Variants in HRH1 observed in about 807,000 individuals in gnomAD.
The protein encoded by HRH1 is histamine receptor H1.
Under a neutral mutation model 10.3 loss-of-function variants are expected in HRH1, and 6 were observed. That is an observed-to-expected ratio of 0.58 (90% CI 0.32 to 1.15). The LOEUF (loss-of-function observed/expected upper bound fraction) is 1.15. Ranked by LOEUF, HRH1 falls within the 50% of genes most tolerant of loss-of-function variation. The pLI is 0.05. For missense variants in HRH1, 514 were observed against 615.3 expected (o/e 0.84, Z 1.74); for synonymous variants, 242 against 236.7 (o/e 1.02, Z -0.21).
chr3:11,249,238 T>A (rs1939571339), intron 1 of HRH1, among the ~76,000 whole-genome samples: 1 of 150,632 alleles, frequency 6.6e-6, no homozygotes, highest in African/African-American at 2.4e-5. Flanking sequence ...CTACTAAAAA[T>A]AAAAAATAAA....
At chr3:11,185,547 G>C (rs1181982227) in intron 1 of HRH1, among the ~76,000 whole-genome samples, 1 of 152,200 alleles carries the variant, frequency 6.6e-6, no homozygotes, top group African/African-American at 2.4e-5. Context: ...TGAGCAACTA[G>C]AGGACTAAAC....
intron 1 of HRH1, among the ~76,000 whole-genome samples, chr3:11,234,043 G>A (rs1201645247): frequency 1.3e-5 from 2 of 152,150 alleles, no homozygotes; most frequent in Non-Finnish European, 2.9e-5. Flanking sequence ...GCGGCCACAG[G>A]TTTGGGTAGG....
chr3:11,144,464 T>TAGACGTATAG (rs1936377937), intron 1 of HRH1, among the ~76,000 whole-genome samples: 1 of 149,380 alleles, frequency 6.7e-6, no homozygotes, highest in Non-Finnish European at 1.5e-5. Context: ...TAGGTATATA[T>TAGACGTATAG]ACATATAGAC....
At chr3:11,163,060 G>A (rs1488000619) in intron 1 of HRH1, among the ~76,000 whole-genome samples, 3 of 152,088 alleles carry the variant, frequency 2.0e-5, no homozygotes, top group African/African-American at 7.2e-5. Flanking sequence ...GTCTAGTTGG[G>A]AAGGAGATCC....
At chr3:11,142,072 G>A (rs1462400366) in intron 1 of HRH1, among the ~76,000 whole-genome samples, 1 of 152,184 alleles carries the variant, frequency 6.6e-6, no homozygotes, top group African/African-American at 2.4e-5. Context: ...TGGTCTACAA[G>A]GTATGTGGGT....
At chr3:11,142,752 A>G (rs1032221726) in intron 1 of HRH1, among the ~76,000 whole-genome samples, 2 of 152,128 alleles carry the variant, frequency 1.3e-5, no homozygotes, top group Admixed American at 1.3e-4. Context: ...GTCTCTACCA[A>G]AAATACAAAA....
At chr3:11,172,704 C>CTTTTTTTTTTTTTT (rs537415650) in intron 1 of HRH1, among the ~76,000 whole-genome samples, 3 of 130,892 alleles carry the variant, frequency 2.3e-5, no homozygotes, top group South Asian at 2.5e-4. Context: ...TTTGGCGAAT[C>CTTTTTTTTTTTTTT]TTTTTTTTTT....
Position 11,259,761 on chromosome 3 carries a change from G to A in HRH1, c.724G>A (p.Glu242Lys). 1 of 1,614,056 alleles carries A rather than the reference G, an allele frequency of 6.2e-7. No homozygotes were observed. Among genetic ancestry groups the A allele is most frequent in the South Asian group, 1.1e-5 (1 of 91,078 alleles). Residue 242 changes from glutamate to lysine, a missense_variant, in exon 2 of 2, where the codon GAG becomes AAG. Physicochemically the swap from Glu to Lys is moderately conservative, Grantham distance 56. Coordinates refer to ENST00000431010, the MANE Select transcript of HRH1 (RefSeq NM_001098212.2). This position sits in a 1 kb window ranked among gnomAD's most constrained non-coding sequence, Gnocchi z 4.6. ...CTTCTCAGAAATTAAGCTGAGGCCA[G>A]AGAACCCCAAGGGGGATGCCAAGAA... Reference protein sequence around the residue: ...PSFSEIKLRPENPKGDAKKPG... With the variant: ...PSFSEIKLRPKNPKGDAKKPG...
intron 1 of HRH1, among the ~76,000 whole-genome samples, chr3:11,258,160 G>A (rs1459500655): frequency 6.7e-6 from 1 of 150,130 alleles, no homozygotes; most frequent in Non-Finnish European, 1.5e-5. Context: ...TGTGCCTCTG[G>A]TGTGTCCCCT....
At chr3:11,246,101 CACAA>C (rs111391643) in intron 1 of HRH1, among the ~76,000 whole-genome samples, 3 of 152,114 alleles carry the variant, frequency 2.0e-5, no homozygotes, top group African/African-American at 4.8e-5. Context: ...CACTCACACA[CACAA>C]ACACACATGC....
intron 1 of HRH1, among the ~76,000 whole-genome samples, chr3:11,218,403 G>T (rs1367752127): frequency 6.8e-6 from 1 of 147,800 alleles, no homozygotes; most frequent in Non-Finnish European, 1.5e-5. Flanking sequence ...AGCTGAGATT[G>T]TGCTACCGCA....
chr3:11,159,584 C>T (rs1936885855), intron 1 of HRH1, among the ~76,000 whole-genome samples: 2 of 152,318 alleles, frequency 1.3e-5, no homozygotes, highest in East Asian at 1.9e-4. Context: ...TTATTTCCAG[C>T]TTATATTTAC....
At chr3:11,163,591 C>T (rs1009330699) in intron 1 of HRH1, among the ~76,000 whole-genome samples, 3 of 152,068 alleles carry the variant, frequency 2.0e-5, no homozygotes, top group African/African-American at 7.2e-5. Context: ...GATAATAGTC[C>T]TCTCCCCTAT....
rs183994865 is a variant in HRH1 at position 11,192,381 on chromosome 3, G to T, written c.-36+37827G>T. Among the ~76,000 whole-genome samples the T allele has an allele frequency of 9.3e-4, 141 of 152,146 alleles. 2 individuals are homozygous for T. The highest frequency in any genetic ancestry group is 7.7e-3 in the Admixed American group (117 of 15,276). On this transcript the variant is annotated intron_variant, in intron 1 of 1. Coordinates refer to ENST00000431010, the MANE Select transcript of HRH1 (RefSeq NM_001098212.2). ...TTAGCTCTACCTTATGTTTGTGATA[G>T]CCATCCATGTTGTTGTGTATAGCTG...
chr3:11,226,458 A>C (rs1290454267), intron 1 of HRH1: 1 of 152,278 alleles, frequency 6.6e-6, no homozygotes, highest in Non-Finnish European at 1.5e-5. Flanking sequence ...GTGATGCTGT[A>C]GCTGGCGCTA....
At chr3:11,139,009 AAG>A (rs1936240612) in intron 1 of HRH1, among the ~76,000 whole-genome samples, 1 of 146,562 alleles carries the variant, frequency 6.8e-6, no homozygotes, top group Non-Finnish European at 1.5e-5. Context: ...TTTTTTTAGA[AAG>A]AATTTTGCTC....
At chr3:11,176,259 C>G (rs1215461051) in intron 1 of HRH1, among the ~76,000 whole-genome samples, 1 of 151,950 alleles carries the variant, frequency 6.6e-6, no homozygotes, top group African/African-American at 2.4e-5. Context: ...GAACTCTGGT[C>G]TCAGATAATT....
chr3:11,240,859 A>G (rs1939317984), intron 1 of HRH1, among the ~76,000 whole-genome samples: 1 of 152,204 alleles, frequency 6.6e-6, no homozygotes, highest in Non-Finnish European at 1.5e-5. Flanking sequence ...AGATCAAAGA[A>G]ATTAATGTTC....
intron 1 of HRH1, among the ~76,000 whole-genome samples, chr3:11,217,451 C>T (rs1938548134): frequency 6.6e-6 from 1 of 152,018 alleles, no homozygotes; most frequent in African/African-American, 2.4e-5. Flanking sequence ...ATCACTTGAA[C>T]CCGGCAGGCG....
Sources: allele counts gnomAD v4.1 joint callset (sites outside exome capture counted in the v4.1 genomes callset), GRCh38; gene constraint gnomAD v4.1.1; non-coding constraint Gnocchi (gnomAD v3.1); transcripts MANE v1.5; gene names NCBI Gene and HGNC (gene_info 2026-07-23, HGNC 2026-07-21).